COL7A1: variants seen among roughly 807,000 people sequenced by gnomAD.
COL7A1 encodes the protein collagen type VII alpha 1 chain.
A neutral mutation model predicts 456.2 loss-of-function variants in COL7A1; 296 were observed. The observed-to-expected ratio is 0.65, with a 90% CI of 0.59 to 0.71. The LOEUF is 0.71. Among genes scored for constraint, COL7A1 ranks in the 30% least tolerant of loss-of-function variants. The probability of loss-of-function intolerance (pLI) is 0.00; values close to 1 mark genes in which losing one functional copy is unlikely to be tolerated. For missense variants in COL7A1, 3,441 were observed against 4,017.2 expected, an observed-to-expected ratio of 0.86 and a Z score of 3.88; for synonymous variants, 1,464 against 1,525.9, an observed-to-expected ratio of 0.96 and a Z score of 0.95.
rs1398860268 is a variant in COL7A1 at position 48,583,219 on chromosome 3, C to T, written c.4438-48G>A. 1.2e-5 allele frequency: 20 copies of T among 1,609,958 alleles called. No homozygotes were observed. The highest frequency in any genetic ancestry group is 4.5e-5 in the East Asian group (2 of 44,746). On this transcript the variant is annotated intron_variant, in intron 42 of 118. Coordinates refer to ENST00000681320, the MANE Select transcript of COL7A1 (RefSeq NM_000094.4). The surrounding 1 kb of genome is among the most constrained non-coding windows in gnomAD (Gnocchi z 5.1). ...AGACAGAGAGAGAGAGGGTTGGTGG[C>T]GGGGCTTGAACGTCAAACCCCAGAC...
At position 48,588,545 on chromosome 3, in the gene COL7A1, ACCAATCCTGGTCCTTTCT is replaced by A; in HGVS notation, c.2587+79_2587+96del. ...CAGACCCTGCCCCCAAAGGCTCACT[ACCAATCCTGGTCCTTTCT>A]CCAATCCAGAGCACAAGCCCGGATC... is the stretch of plus-strand genomic sequence containing the variant. On this transcript the variant is annotated intron_variant, in intron 20 of 118. Transcript: ENST00000681320. This position sits in a 1 kb window ranked among gnomAD's most constrained non-coding sequence, Gnocchi z 4.6. The A allele has an allele frequency of 6.2e-7, 1 of 1,609,058 alleles. No individual in the cohort carries two copies. The highest frequency in any genetic ancestry group is 8.5e-7 in the Non-Finnish European group (1 of 1,177,984).
Position 48,564,953 on chromosome 3 carries a change from C to T in COL7A1, c.8648G>A (p.Gly2883Asp). ...DDPCSLPLDE[G>D]SCTAYTLRWY... ...GCGCAGGGTGTAGGCAGTGCAGGAG[C>T]CCTCATCCAGTGGCAGGGAACAGGG... Residue 2883 changes from glycine to aspartate, a missense_variant, in exon 118 of 119, where the codon GGC (glycine) becomes GAC (aspartate). Transcript: ENST00000681320. This position sits in a 1 kb window ranked among gnomAD's most constrained non-coding sequence, Gnocchi z 6.0. The T allele has an allele frequency of 6.2e-7, 1 of 1,614,182 alleles. No homozygotes were observed. The highest frequency in any genetic ancestry group is 8.5e-7 in the Non-Finnish European group (1 of 1,180,020).
chr3:48,583,798 A>G lies in COL7A1; in HGVS notation c.4279-18T>C, dbSNP rs767702485. 1 of 1,613,704 alleles carries G rather than the reference A, an allele frequency of 6.2e-7. No homozygotes were observed. The highest frequency in any genetic ancestry group is 1.7e-5 in the Admixed American group (1 of 60,010). ...GGAAGACCCTAGGAAGAAGTGAGTA[A>G]AAATATGAGCCAAGAACTATGAAGC... On this transcript the variant is annotated intron_variant, in intron 39 of 118. Coordinates refer to ENST00000681320, the MANE Select transcript of COL7A1 (RefSeq NM_000094.4). The surrounding 1 kb of genome is among the most constrained non-coding windows in gnomAD (Gnocchi z 5.1).
chr3:48,582,543 G>A (rs766282333), intron 45 of COL7A1, 30 bp from the exon 46 acceptor site: 13 of 1,613,902 alleles, frequency 8.1e-6, no homozygotes, highest in Non-Finnish European at 5.1e-6. Flanking sequence ...GAGCCCAGGA[G>A]GGGAAGGGAA....
chr3:48,594,337 G>T lies in COL7A1; in HGVS notation c.266+31C>A. On this transcript the variant is annotated intron_variant, in intron 3 of 118. Transcript: ENST00000681320. The surrounding 1 kb of genome is among the most constrained non-coding windows in gnomAD (Gnocchi z 5.5). ...GGGAAGGAGTCTTGGTGGGGATCTC[G>T]TGGTCCCCAGCCCCCAGGGCCCCTA... The T allele has an allele frequency of 6.2e-7, 1 of 1,605,174 alleles. No homozygotes were observed. Among genetic ancestry groups the T allele is most frequent in the Non-Finnish European group, 8.5e-7 (1 of 1,179,178 alleles).
In COL7A1 at chr3:48,575,567, T is replaced by G. The variant is rs1575440158; in HGVS notation, c.5980-28A>C. 1 of 1,612,464 alleles carries G rather than the reference T, an allele frequency of 6.2e-7. No homozygotes were observed. The highest frequency in any genetic ancestry group is 8.5e-7 in the Non-Finnish European group (1 of 1,179,966). On this transcript the variant is annotated intron_variant, in intron 73 of 118. Coordinates refer to ENST00000681320, the MANE Select transcript of COL7A1 (RefSeq NM_000094.4). The surrounding 1 kb of genome is among the most constrained non-coding windows in gnomAD (Gnocchi z 6.3). ...GCAGGAGTGGAAGAGAGAATGCTGG[T>G]GGCTGTACAGCTACACCCCACTCCA...
chr3:48,589,390 C>T lies in COL7A1; in HGVS notation c.2251G>A (p.Val751Met), dbSNP rs969347839. ...CCAGCCACATGGGCCCTCACATGCA[C>T]CGTATACTCAGTATCTGGCTCCAGT... ...DGLEPDTEYTVHVRAHVAGVD... is the reference protein window; with the variant it reads ...DGLEPDTEYTMHVRAHVAGVD... Residue 751 changes from valine to methionine, a missense_variant, in exon 18 of 119, where the codon GTG (valine) becomes ATG (methionine). This residue lies in a region of COL7A1 where 913 missense variants were observed against 1,088.2 expected (regional missense o/e 0.84). Transcript: ENST00000681320. 3 of 1,613,594 alleles carry T rather than the reference C, an allele frequency of 1.9e-6. No individual in the cohort carries two copies. The Admixed American group carries it at 5.0e-5, about 27-fold the overall frequency.
chr3:48,576,736 A>G lies in COL7A1; in HGVS notation c.5640T>C (p.Pro1880=). The G allele has an allele frequency of 6.2e-7, 1 of 1,612,134 alleles. No individual in the cohort carries two copies. The change falls in exon 68 of 119, where the codon CCT becomes CCC. Residue 1880 remains proline (P), a synonymous_variant. Transcript: ENST00000681320. ...RDGPKGERGA[P]GILGPQGPPG... The stretch of plus-strand genomic sequence containing the variant: ...GAGGCCCCTGGGGTCCAAGGATACC[A>G]GGAGCTCCACGCTCACCCTTGGGGC...
chr3:48,576,137 T>C, intron 71 of COL7A1, 112 bp downstream of exon 71: 1 of 1,539,328 alleles, frequency 6.5e-7, no homozygotes. Context: ...GGCAGGGCAC[T>C]GAACACACAG....
rs1157458835 is a variant in COL7A1, at chr3:48,565,225, G to C, written c.8528-24C>G. The C allele has an allele frequency of 1.2e-6, 2 of 1,605,684 alleles. No homozygotes were observed. ...CTCTGCAGGTAGGGCAGGGTGTGCT[G>C]GGAGCAGTGGCTGCTGGCCCCGGGG... On this transcript the variant is annotated intron_variant, in intron 116 of 118. Coordinates refer to ENST00000681320, the MANE Select transcript of COL7A1 (RefSeq NM_000094.4). This position sits in a 1 kb window ranked among gnomAD's most constrained non-coding sequence, Gnocchi z 4.5.
In COL7A1 at chr3:48,581,538, C is replaced by T. The variant is rs369847344; in HGVS notation, c.4782+35G>A. The T allele has an allele frequency of 1.9e-6, 3 of 1,613,944 alleles. No individual in the cohort carries two copies. The highest frequency in any genetic ancestry group is 2.7e-5 in the African/African-American group (2 of 74,870). ...AGTCAGGGTCCCACCACCTCATCTC[C>T]CTCTGTCACACTCCCCATTCCCACA... is the stretch of plus-strand genomic sequence containing the variant. On this transcript the variant is annotated intron_variant, in intron 50 of 118. Coordinates refer to ENST00000681320, the MANE Select transcript of COL7A1 (RefSeq NM_000094.4). This position sits in a 1 kb window ranked among gnomAD's most constrained non-coding sequence, Gnocchi z 5.8.
Position 48,575,800 on chromosome 3 carries a change from T to C in COL7A1, c.5857-52A>G, listed in dbSNP as rs114506801. On this transcript the variant is annotated intron_variant, in intron 72 of 118. Coordinates refer to ENST00000681320, the MANE Select transcript of COL7A1 (RefSeq NM_000094.4). This position sits in a 1 kb window ranked among gnomAD's most constrained non-coding sequence, Gnocchi z 6.3. ...GCGGGGTGCGTCGCCGCAGCCCCTA[T>C]GCCTGTGGGCACCACTAGCCCCAAG... The C allele has an allele frequency of 8.4e-4, 1,352 of 1,613,862 alleles. 12 individuals are homozygous for C. The African/African-American group carries it at 0.017, about 20-fold the overall frequency.
rs778670753 is a variant in COL7A1 at position 48,590,187 on chromosome 3, G to T, written c.2050+26C>A. 19 of 1,608,596 alleles carry T rather than the reference G, an allele frequency of 1.2e-5. No individual in the cohort carries two copies. Among genetic ancestry groups the T allele is most frequent in the Non-Finnish European group, 1.6e-5 (19 of 1,177,050 alleles). On this transcript the variant is annotated intron_variant, in intron 16 of 118. Coordinates refer to ENST00000681320, the MANE Select transcript of COL7A1 (RefSeq NM_000094.4). The surrounding 1 kb of genome is among the most constrained non-coding windows in gnomAD (Gnocchi z 4.6). ...TCTGAAAGAGCAATGGAGGCAGAGA[G>T]CCAAGGGACGGGGGCAGGGCCTGAC...
rs1351757487 is a variant in COL7A1 at position 48,589,784 on chromosome 3, G to A, written c.2051-66C>T. 6.8e-6 allele frequency: 11 copies of A among 1,608,988 alleles called. No homozygotes were observed. The South Asian group carries it at 8.8e-5, about 13-fold the overall frequency. ...GGAAGGAGTGGGGCTATCTGATAGGGGAAGATGATGGGAGTCTAACAGGAG... is the reference window on the plus strand; with the variant it reads ...GGAAGGAGTGGGGCTATCTGATAGGAGAAGATGATGGGAGTCTAACAGGAG... On this transcript the variant is annotated intron_variant, in intron 16 of 118. Transcript: ENST00000681320.
chr3:48,572,122 C>A lies in COL7A1; in HGVS notation c.7023+5G>T. 1.1e-5 allele frequency: 17 copies of A among 1,614,062 alleles called. No individual in the cohort carries two copies. Among genetic ancestry groups the A allele is most frequent in the Non-Finnish European group, 1.4e-5 (16 of 1,180,002 alleles). Reference sequence around the variant, plus strand: ...TAGTCAGGCCCCAGGGCCAACCCACCTCACCTTCTCGCCTCGCGGCCCTGG... The same window carrying A: ...TAGTCAGGCCCCAGGGCCAACCCACATCACCTTCTCGCCTCGCGGCCCTGG... On this transcript the variant is annotated splice_donor_5th_base_variant and intron_variant, in intron 91 of 118. Coordinates refer to ENST00000681320, the MANE Select transcript of COL7A1 (RefSeq NM_000094.4). This position sits in a 1 kb window ranked among gnomAD's most constrained non-coding sequence, Gnocchi z 4.6.
rs756157619 is a variant in COL7A1, at chr3:48,572,661, C to T, written c.6900+10G>A. 1 of 1,597,930 alleles carries T rather than the reference C, an allele frequency of 6.3e-7. No individual in the cohort carries two copies. Among genetic ancestry groups the T allele is most frequent in the Non-Finnish European group, 8.5e-7 (1 of 1,172,288 alleles). ...TGCTGCAGGGGGTGGAAGTCAGGGT[C>T]AAAGATCACCTGTCCAGGGGCCCCC... On this transcript the variant is annotated intron_variant, in intron 88 of 118. Coordinates refer to ENST00000681320, the MANE Select transcript of COL7A1 (RefSeq NM_000094.4). This position sits in a 1 kb window ranked among gnomAD's most constrained non-coding sequence, Gnocchi z 4.6.
rs2043626460 is a variant in COL7A1, at chr3:48,566,773, G to A, written c.8227-36C>T. On this transcript the variant is annotated intron_variant, in intron 111 of 118. Transcript: ENST00000681320. This position sits in a 1 kb window ranked among gnomAD's most constrained non-coding sequence, Gnocchi z 5.9. ...CAGGGACCAAGTGAGCAGGGTCAGA[G>A]GCAGTGGGGATCAGAGTCAGGCAGG... 1.2e-5 allele frequency: 19 copies of A among 1,611,718 alleles called. No homozygotes were observed. Among genetic ancestry groups the A allele is most frequent in the Non-Finnish European group, 1.5e-5 (18 of 1,178,698 alleles).
In COL7A1 at chr3:48,573,381, C is replaced by T. The variant is rs758085429; in HGVS notation, c.6619-33G>A. 1 of 1,614,014 alleles carries T rather than the reference C, an allele frequency of 6.2e-7. No individual in the cohort carries two copies. Among genetic ancestry groups the T allele is most frequent in the East Asian group, 2.2e-5 (1 of 44,858 alleles). Reference sequence around the variant, plus strand: ...CAACCCAGAGACTGCATGAGCAGAGCCCACGTGGCCAGGGCTCCTGGAGCT... The same window carrying T: ...CAACCCAGAGACTGCATGAGCAGAGTCCACGTGGCCAGGGCTCCTGGAGCT... On this transcript the variant is annotated intron_variant, in intron 83 of 118. Coordinates refer to ENST00000681320, the MANE Select transcript of COL7A1 (RefSeq NM_000094.4). This position sits in a 1 kb window ranked among gnomAD's most constrained non-coding sequence, Gnocchi z 5.5.
At position 48,583,558 on chromosome 3, in the gene COL7A1, G is replaced by C. The variant is rs1467596026; in HGVS notation, c.4399C>G (p.Gln1467Glu). The change falls in exon 41 of 119, where the codon CAG becomes GAG. Residue 1467 changes from glutamine (Q) to glutamate (E), a missense_variant and splice_region_variant. Coordinates refer to ENST00000681320, the MANE Select transcript of COL7A1 (RefSeq NM_000094.4). The surrounding 1 kb of genome is among the most constrained non-coding windows in gnomAD (Gnocchi z 5.1). The part of the protein sequence containing the change: ...LPGQPGSPGE[Q>E]GPRGPPGAIG... ...GAATCCCTGGCCCCTCCACTCACCT[G>C]CTCACCCGGAGACCCAGGTTGTCCT... is the stretch of plus-strand genomic sequence containing the variant. The C allele has an allele frequency of 6.2e-7, 1 of 1,614,022 alleles. No individual in the cohort carries two copies.
Sources: gnomAD v4.1 joint callset for allele counts on GRCh38, gnomAD v4.1.1 for gene constraint, gnomAD v4.1.1 regional missense constraint, Gnocchi (gnomAD v3.1) non-coding constraint, MANE v1.5 for transcripts, NCBI Gene and HGNC (gene_info 2026-07-23, HGNC 2026-07-21) for gene names.